The following AGBL1 variants were observed in gnomAD, a reference collection of about 807,000 sequenced individuals.
The protein encoded by AGBL1 is cytosolic carboxypeptidase 4.
Under a neutral mutation model 118.9 loss-of-function variants are expected in AGBL1, and 130 were observed. The observed-to-expected ratio is 1.09, with a 90% CI of 0.95 to 1.26. The LOEUF (loss-of-function observed/expected upper bound fraction) is 1.26. AGBL1 is among the 50% of genes most tolerant of loss of function. The pLI, the probability that AGBL1 is intolerant of heterozygous loss-of-function variation, is 0.00. For synonymous variants in AGBL1, 555 were observed against 478.9 expected, an observed-to-expected ratio of 1.16 and a Z score of -2.08; for missense variants, 1,584 against 1,298.1, an observed-to-expected ratio of 1.22 and a Z score of -3.38.
intron 17 of AGBL1, among the ~76,000 whole-genome samples, chr15:86,371,401 G>C (rs557091531): frequency 6.6e-6 from 1 of 152,136 alleles, no homozygotes; most frequent in Admixed American, 6.5e-5. Context: ...TGCCTGGAGT[G>C]CCTTTTCTTC....
chr15:87,007,972 A>G (rs2081521458), intron 24 of AGBL1, among the ~76,000 whole-genome samples: 1 of 152,264 alleles, frequency 6.6e-6, no homozygotes, highest in Non-Finnish European at 1.5e-5. Flanking sequence ...GAAGTCATAA[A>G]GAAGAAAATT....
rs542878430 is a variant in AGBL1, at chr15:86,548,301, G to T, written c.2817+2168G>T. The stretch of plus-strand genomic sequence containing the variant: ...GGTCATTTACCATTAGTATTGAAGA[G>T]ACGATTATACACCCTGTTATATTTC... On this transcript the variant is annotated intron_variant, in intron 20 of 22. Coordinates refer to ENST00000614907, the MANE Select transcript of AGBL1 (RefSeq NM_001386094.1). 2.0e-5 allele frequency among the ~76,000 whole-genome samples: 3 copies of T among 152,206 alleles called. No homozygotes were observed. The South Asian group carries it at 6.2e-4, about 32-fold the overall frequency.
chr15:86,858,751 A>G (rs1326842620), intron 22 of AGBL1, among the ~76,000 whole-genome samples: 2 of 152,150 alleles, frequency 1.3e-5, no homozygotes, highest in African/African-American at 2.4e-5. Context: ...GTCATGAAGA[A>G]TCAGGAAACT....
chr15:87,029,159 A>AGAT (rs1052315841), downstream of AGBL1: 6 of 240,872 alleles, frequency 2.5e-5, no homozygotes, highest in Admixed American at 5.4e-5. Flanking sequence ...TACTTCACAT[A>AGAT]GATAGTCTTC....
At chr15:86,433,588 G>C (rs1177014240) in intron 18 of AGBL1, among the ~76,000 whole-genome samples, 2 of 152,014 alleles carry the variant, frequency 1.3e-5, no homozygotes, top group African/African-American at 2.4e-5. Context: ...GTGTGTCAGG[G>C]TCTCTACTTT....
At chr15:86,508,372 G>A (rs574654605) in intron 18 of AGBL1, among the ~76,000 whole-genome samples, 15 of 152,066 alleles carry the variant, frequency 9.9e-5, no homozygotes, top group African/African-American at 3.6e-4. Context: ...AGAGAGAGGG[G>A]AAAAATAATG....
At chr15:86,445,464 A>G (rs989588863) in intron 18 of AGBL1, among the ~76,000 whole-genome samples, 1 of 152,206 alleles carries the variant, frequency 6.6e-6, no homozygotes, top group Admixed American at 6.5e-5. Context: ...TCTCTTCCCT[A>G]TGGGGACATA....
At chr15:86,145,145 C>T (rs976614062) in intron 3 of AGBL1, among the ~76,000 whole-genome samples, 1 of 152,170 alleles carries the variant, frequency 6.6e-6, no homozygotes, top group Non-Finnish European at 1.5e-5. Flanking sequence ...TTAGGGCCCA[C>T]TCTAATTTGT....
At chr15:86,244,669 C>T (rs1158085089) in intron 6 of AGBL1, among the ~76,000 whole-genome samples, 1 of 151,906 alleles carries the variant, frequency 6.6e-6, no homozygotes, top group Non-Finnish European at 1.5e-5. Flanking sequence ...TTATCTTTCT[C>T]CCCCCACCAA....
chr15:86,690,220 C>A (rs535895435), intron 22 of AGBL1, among the ~76,000 whole-genome samples: 1 of 152,198 alleles, frequency 6.6e-6, no homozygotes, highest in South Asian at 2.1e-4. Flanking sequence ...TAAAGTCTTG[C>A]TTATAGCAAG....
intron 21 of AGBL1, among the ~76,000 whole-genome samples, chr15:86,583,814 A>C (rs1368661761): frequency 6.6e-6 from 1 of 152,166 alleles, no homozygotes; most frequent in Non-Finnish European, 1.5e-5. Flanking sequence ...CCAACAGTGT[A>C]TAAGCATTCC....
At chr15:86,700,343 T>A (rs184665250) in intron 22 of AGBL1, among the ~76,000 whole-genome samples, 7 of 152,158 alleles carry the variant, frequency 4.6e-5, no homozygotes, top group Admixed American at 3.3e-4. Flanking sequence ...TCTAGGTTCA[T>A]CTTGTACATT....
In AGBL1 at chr15:86,613,379, G is replaced by C. The variant is rs1319682493; in HGVS notation, c.2994+58842G>C. Among the ~76,000 whole-genome samples the C allele has an allele frequency of 6.6e-6, 1 of 152,158 alleles. No homozygotes were observed. Among genetic ancestry groups the C allele is most frequent in the Admixed American group, 6.6e-5 (1 of 15,262 alleles). ...GCAGTAGGACACCGGTTGGTGCGTG[G>C]ACAGTTAGTGGGTGAGAAGACAGTG... On this transcript the variant is annotated intron_variant, in intron 21 of 22. Transcript: ENST00000614907. The surrounding 1 kb of genome is among the most constrained non-coding windows in gnomAD (Gnocchi z 4.2).
At chr15:86,385,454 C>T (rs1375155105) in intron 17 of AGBL1, among the ~76,000 whole-genome samples, 1 of 152,170 alleles carries the variant, frequency 6.6e-6, no homozygotes, top group African/African-American at 2.4e-5. Flanking sequence ...GCAGAATCTG[C>T]ATTTCAGCAA....
chr15:86,807,359 G>A (rs761686396), intron 22 of AGBL1, among the ~76,000 whole-genome samples: 15 of 152,142 alleles, frequency 9.9e-5, no homozygotes, highest in Non-Finnish European at 1.9e-4. Flanking sequence ...AGAACTGTAA[G>A]AGACATCACG....
intron 22 of AGBL1, among the ~76,000 whole-genome samples, chr15:86,682,768 T>C (rs1368338843): frequency 4.6e-5 from 7 of 152,148 alleles, no homozygotes; most frequent in Admixed American, 2.6e-4. Context: ...AGTATGTCAA[T>C]TTATATATAA....
At chr15:86,102,708 T>C (rs1274301365) in intron 1 of AGBL1, among the ~76,000 whole-genome samples, 1 of 152,234 alleles carries the variant, frequency 6.6e-6, no homozygotes, top group Non-Finnish European at 1.5e-5. Context: ...TTGAGGTTTT[T>C]AGAATTCTCT....
rs1201915934 is a variant in AGBL1, at chr15:86,914,704, C to T, written c.*7410C>T. On this transcript the variant is annotated 3_prime_UTR_variant, in exon 23 of 23. Coordinates refer to ENST00000614907, the MANE Select transcript of AGBL1 (RefSeq NM_001386094.1). The stretch of plus-strand genomic sequence containing the variant: ...ATTTAAGGGCTAGCCTAAGATGATA[C>T]AGGTAGTAAGTAGCAGATCACAACC... The T allele has an allele frequency of 2.0e-5, 3 of 152,174 alleles. No individual in the cohort carries two copies. The highest frequency in any genetic ancestry group is 7.2e-5 in the African/African-American group (3 of 41,432). The allele number at this position is 152,174 out of a possible 1,614,324, so 9.4% of individuals were successfully genotyped here.
intron 7 of AGBL1, among the ~76,000 whole-genome samples, chr15:86,251,463 C>G (rs1016193958): frequency 2.6e-5 from 4 of 152,192 alleles, no homozygotes; most frequent in Non-Finnish European, 5.9e-5. Flanking sequence ...TAGGATCACA[C>G]TTGGAAAACC....
Sources: allele counts gnomAD v4.1 joint callset (sites outside exome capture counted in the v4.1 genomes callset), GRCh38; gene constraint gnomAD v4.1.1; non-coding constraint Gnocchi (gnomAD v3.1); transcripts MANE v1.5; gene names NCBI Gene and HGNC (gene_info 2026-07-23, HGNC 2026-07-21).